MAGI1: variants seen among roughly 807,000 people sequenced by gnomAD.
MAGI1 encodes membrane-associated guanylate kinase, WW and PDZ domain-containing protein 1.
Under a neutral mutation model 139.9 loss-of-function variants are expected in MAGI1, and 58 were observed. The ratio of observed to expected loss-of-function variants is 0.41; its 90% CI spans 0.34 to 0.52. MAGI1 has a LOEUF of 0.52. MAGI1 is among the 20% of genes least tolerant of loss of function. The pLI is 0.12. For missense variants in MAGI1, 1,874 were observed against 1,901.6 expected (o/e 0.99, Z 0.27); for synonymous variants, 812 against 737.9 (o/e 1.10, Z -1.63).
chr3:66,024,605 A>C (rs1221597402), intron 1 of MAGI1, among the ~76,000 whole-genome samples: 1 of 151,936 alleles, frequency 6.6e-6, no homozygotes, highest in Admixed American at 6.5e-5. Context: ...TCGGGAGTTC[A>C]AGACCAGCCT....
At chr3:65,543,201 A>T (rs1382572104) in intron 2 of MAGI1, among the ~76,000 whole-genome samples, 1 of 152,252 alleles carries the variant, frequency 6.6e-6, no homozygotes, top group Non-Finnish European at 1.5e-5. Flanking sequence ...ACACAATGAG[A>T]TACCATCTCA....
intron 1 of MAGI1, among the ~76,000 whole-genome samples, chr3:65,963,548 G>A (rs531888054): frequency 1.6e-4 from 24 of 152,188 alleles, no homozygotes; most frequent in African/African-American, 5.5e-4. Context: ...CCCAGAAGGC[G>A]GAGGTTGTAG....
At chr3:66,032,076 TG>T (rs2068631589) in intron 1 of MAGI1, among the ~76,000 whole-genome samples, 1 of 152,230 alleles carries the variant, frequency 6.6e-6, no homozygotes, top group Non-Finnish European at 1.5e-5. Flanking sequence ...TGAAGACCTC[TG>T]GATCCTAAAC....
At chr3:65,380,949 A>G (rs1943002733) in intron 16 of MAGI1, 1 of 152,154 alleles carries the variant, frequency 6.6e-6, no homozygotes, top group African/African-American at 2.4e-5. Context: ...AGAAGTTACC[A>G]ATTAATTTTA....
At chr3:65,605,594 C>G (rs150292913) in intron 2 of MAGI1, among the ~76,000 whole-genome samples, 203 of 152,240 alleles carry the variant, frequency 1.3e-3, no homozygotes, top group Non-Finnish European at 1.8e-3. Flanking sequence ...TGTAGGCCAA[C>G]CAGACCCTTC....
chr3:65,744,208 G>A (rs1331832105), intron 1 of MAGI1, among the ~76,000 whole-genome samples: 1 of 152,134 alleles, frequency 6.6e-6, no homozygotes, highest in Non-Finnish European at 1.5e-5. Flanking sequence ...TAGTTTTCAG[G>A]TTTCAGAACT....
chr3:65,521,018 G>T (rs2078128376), intron 2 of MAGI1, among the ~76,000 whole-genome samples: 1 of 152,192 alleles, frequency 6.6e-6, no homozygotes, highest in Non-Finnish European at 1.5e-5. Flanking sequence ...AAAAGGGCAT[G>T]ATTTTATCAA....
At chr3:65,486,867 T>C (rs1031575617) in intron 3 of MAGI1, among the ~76,000 whole-genome samples, 2 of 152,208 alleles carry the variant, frequency 1.3e-5, no homozygotes, top group Non-Finnish European at 2.9e-5. Flanking sequence ...AATTATAGTA[T>C]TTTTTATTTT....
At chr3:65,622,437 A>G (rs1365200909) in intron 1 of MAGI1, among the ~76,000 whole-genome samples, 2 of 152,254 alleles carry the variant, frequency 1.3e-5, no homozygotes, top group Non-Finnish European at 2.9e-5. Context: ...TAAAGAAGAC[A>G]ATCCAGCAAT....
chr3:65,567,954 C>A (rs1282447114), intron 2 of MAGI1, among the ~76,000 whole-genome samples: 3 of 152,186 alleles, frequency 2.0e-5, no homozygotes, highest in Non-Finnish European at 4.4e-5. Flanking sequence ...ATGACTCTAG[C>A]AAATCTCTTT....
At chr3:65,849,001 CTTTTTTTTTTTTTTTTTT>C (rs558270441) in intron 1 of MAGI1, among the ~76,000 whole-genome samples, 21 of 39,642 alleles carry the variant, frequency 5.3e-4, no homozygotes, top group East Asian at 3.4e-3. Context: ...TCAGAGCATT[CTTTTTTTTTTTTTTTTTT>C]TTTTTTTTTT....
intron 1 of MAGI1, among the ~76,000 whole-genome samples, chr3:65,921,568 C>T (rs1024216318): frequency 6.6e-6 from 1 of 152,004 alleles, no homozygotes; most frequent in African/African-American, 2.4e-5. Flanking sequence ...CCTCAGCCTC[C>T]CAAAGTACTG....
chr3:65,720,160 GTTGGA>G (rs1455282340), intron 1 of MAGI1: 1 of 152,054 alleles, frequency 6.6e-6, no homozygotes, highest in Non-Finnish European at 1.5e-5. Context: ...TAGGGTAAGT[GTTGGA>G]TTAATATATT....
At chr3:65,670,330 AAC>A (rs1431804486) in intron 1 of MAGI1, among the ~76,000 whole-genome samples, 2 of 142,766 alleles carry the variant, frequency 1.4e-5, no homozygotes, top group African/African-American at 4.9e-5. Flanking sequence ...ACACATATAT[AAC>A]ACATATGCCA....
At chr3:65,853,500 A>AT in intron 1 of MAGI1, among the ~76,000 whole-genome samples, 1 of 152,314 alleles carries the variant, frequency 6.6e-6, no homozygotes, top group South Asian at 2.1e-4. Flanking sequence ...TCTAAAATGC[A>AT]TACCATGCTT....
chr3:65,743,964 T>TAA (rs5849689), intron 1 of MAGI1, among the ~76,000 whole-genome samples: 28 of 147,066 alleles, frequency 1.9e-4, no homozygotes, highest in Middle Eastern at 3.5e-3. Flanking sequence ...AACTTTAAAA[T>TAA]AAAAAAAAAA....
intron 5 of MAGI1, among the ~76,000 whole-genome samples, chr3:65,459,615 G>C (rs901403264): frequency 9.2e-5 from 14 of 151,954 alleles, no homozygotes; most frequent in Admixed American, 4.6e-4. Context: ...TCTTTATCTT[G>C]AACTATAACC....
chr3:65,754,699 T>A (rs1374104069), intron 1 of MAGI1, among the ~76,000 whole-genome samples: 1 of 152,336 alleles, frequency 6.6e-6, no homozygotes, highest in South Asian at 2.1e-4. Flanking sequence ...GGTTTTCAAA[T>A]AGTTTATTCT....
At chr3:65,616,259 A>T (rs2083363480) in intron 2 of MAGI1, among the ~76,000 whole-genome samples, 1 of 152,138 alleles carries the variant, frequency 6.6e-6, no homozygotes, top group Admixed American at 6.5e-5. Flanking sequence ...AGGTGGGAGG[A>T]GTCCCCGTAT....
Sources: gnomAD v4.1 joint callset for allele counts (sites outside exome capture counted in the v4.1 genomes callset) on GRCh38, gnomAD v4.1.1 for gene constraint, MANE v1.5 for transcripts, NCBI Gene and HGNC (gene_info 2026-07-23, HGNC 2026-07-21) for gene names.